ARHGEF16: variants seen among roughly 807,000 people sequenced by gnomAD.
The protein encoded by ARHGEF16 is Rho guanine exchange factor (GEF) 16.
In ARHGEF16, 59 loss-of-function variants were observed where a neutral mutation model predicts 74.1. The ratio of observed to expected loss-of-function variants is 0.80; its 90% CI spans 0.65 to 0.99. The LOEUF is 0.99. Ranked by LOEUF, ARHGEF16 falls within the 50% of genes least tolerant of loss-of-function variation. The probability of loss-of-function intolerance (pLI) is 0.00; values close to 1 mark genes in which losing one functional copy is unlikely to be tolerated. For synonymous variants in ARHGEF16, 415 were observed against 412.6 expected (o/e 1.01, Z -0.07); for missense variants, 948 against 986.6 (o/e 0.96, Z 0.52).
intron 2 of ARHGEF16, 150 bp from the exon 3 acceptor site, chr1:3,465,998 T>C: frequency 1.3e-6 from 1 of 793,168 alleles, no homozygotes; most frequent in South Asian, 1.6e-5. Flanking sequence ...GGCCTCTGCT[T>C]GGCGGCCGTG....
At chr1:3,473,023 C>A in intron 6 of ARHGEF16, 55 bp from the exon 7 acceptor site, 1 of 1,579,302 alleles carries the variant, frequency 6.3e-7, no homozygotes, top group South Asian at 1.2e-5. Context: ...TGTGTGCACA[C>A]GTGGGGCCCG....
chr1:3,471,740 G>T (rs752836137), intron 6 of ARHGEF16: 28 of 1,206,328 alleles, frequency 2.3e-5, no homozygotes, highest in Non-Finnish European at 2.9e-5. Flanking sequence ...CTGGGCCCCC[G>T]ACAGCTCCTG....
intron 10 of ARHGEF16, among the ~76,000 whole-genome samples, chr1:3,476,972 C>A (rs957028325): frequency 6.6e-6 from 1 of 152,066 alleles, no homozygotes; most frequent in African/African-American, 2.4e-5. Flanking sequence ...ACGCCTGCCC[C>A]TGCCAGAGCA....
At chr1:3,469,367 C>T in intron 5 of ARHGEF16, 66 bp from the exon 6 acceptor site, 2 of 1,576,138 alleles carry the variant, frequency 1.3e-6, no homozygotes, top group Non-Finnish European at 1.7e-6. Flanking sequence ...CTGTTCCAAG[C>T]ATTGGTCACC....
chr1:3,461,266 C>T (rs1639386165), intron 1 of ARHGEF16, among the ~76,000 whole-genome samples: 1 of 152,224 alleles, frequency 6.6e-6, no homozygotes, highest in African/African-American at 2.4e-5. Context: ...GCATAGGGAG[C>T]ATGAGCTTGT....
In ARHGEF16 at chr1:3,466,131, GTCTC is replaced by G; in HGVS notation, c.589-13_589-10del. 1.3e-6 allele frequency: 2 copies of G among 1,548,426 alleles called. No individual in the cohort carries two copies. Among genetic ancestry groups the G allele is most frequent in the Non-Finnish European group, 1.7e-6 (2 of 1,146,000 alleles). On this transcript the variant is annotated splice_polypyrimidine_tract_variant and intron_variant, in intron 2 of 14. Coordinates refer to ENST00000378378, the MANE Select transcript of ARHGEF16 (RefSeq NM_014448.4). ...CCCGGCTGACAGCTGCGGTTTCTGT[GTCTC>G]TCTTTTGTGCAGAAGACGCTGGGGA...
At chr1:3,466,091 G>C in intron 2 of ARHGEF16, 57 bp from the exon 3 acceptor site, 1 of 1,536,136 alleles carries the variant, frequency 6.5e-7, no homozygotes, top group Non-Finnish European at 8.8e-7. Context: ...CAGAATCGCC[G>C]TGGGCAACAC....
rs548183041 is a variant in ARHGEF16 at position 3,466,192 on chromosome 1, C to T, written c.633C>T (p.Asp211=). Residue 211 remains aspartate, a splice_region_variant and synonymous_variant, in exon 3 of 15, where the codon GAC becomes GAT. Transcript: ENST00000378378. ...RKRGHKGSFK[D]DPQLYQEIQE... ...GTGGGCACAAGGGTTCCTTCAAGGA[C>T]GGTGAGTGTGGCTTCGGGAGGCACC... The T allele has an allele frequency of 6.7e-5, 103 of 1,542,488 alleles. No individual in the cohort carries two copies. The highest frequency in any genetic ancestry group is 4.7e-4 in the Admixed American group (23 of 49,334).
At position 3,463,163 on chromosome 1, in the gene ARHGEF16, G is replaced by C; in HGVS notation, c.79G>C (p.Ala27Pro). The C allele has an allele frequency of 6.6e-7, 1 of 1,515,842 alleles. No homozygotes were observed. Among genetic ancestry groups the C allele is most frequent in the Non-Finnish European group, 8.9e-7 (1 of 1,126,626 alleles). 93.9% of individuals were successfully genotyped at this position (1,515,842 alleles called of 1,614,324 possible). Residue 27 changes from alanine to proline, a missense_variant, in exon 2 of 15, where the codon GCC (alanine) becomes CCC (proline). Coordinates refer to ENST00000378378, the MANE Select transcript of ARHGEF16 (RefSeq NM_014448.4). ...HRFHSELRLD[A>P]GGNPASGLPM... Reference sequence around the variant, plus strand: ...CTTCCACTCGGAGCTCCGGCTCGATGCCGGGGGGAACCCAGCCTCCGGGCT... The same window carrying C: ...CTTCCACTCGGAGCTCCGGCTCGATCCCGGGGGGAACCCAGCCTCCGGGCT...
chr1:3,480,511 G>A lies in ARHGEF16; in HGVS notation c.2054G>A (p.Arg685His), dbSNP rs534395921. Residue 685 changes from arginine to histidine, a missense_variant, in exon 15 of 15, where the codon CGC (arginine) becomes CAC (histidine). Arg to His is a conservative substitution (Grantham distance 29). Transcript: ENST00000378378. Reference sequence around the variant, plus strand: ...GGATGGTTCCCCGAGGACTTTGCCCGCTTCATCACCAGCCGTGTGGCCGTG... The same window carrying A: ...GGATGGTTCCCCGAGGACTTTGCCCACTTCATCACCAGCCGTGTGGCCGTG... ...ETGWFPEDFA[R>H]FITSRVAVEG... 17 of 1,612,376 alleles carry A rather than the reference G, an allele frequency of 1.1e-5. No individual in the cohort carries two copies. The highest frequency in any genetic ancestry group is 2.2e-5 in the East Asian group (1 of 44,898).
chr1:3,469,398 G>A (rs370197758), intron 5 of ARHGEF16, 35 bp from the exon 6 acceptor site: 83 of 1,608,930 alleles, frequency 5.2e-5, no homozygotes, highest in African/African-American at 4.7e-4. Context: ...CGTGTCCAGC[G>A]TCACTGTGGG....
At chr1:3,463,797 G>A in intron 2 of ARHGEF16, 125 bp downstream of exon 2, 2 of 782,490 alleles carry the variant, frequency 2.6e-6, no homozygotes, top group East Asian at 5.9e-5. Context: ...GCTGCATGAG[G>A]GCTCTCGACT....
At chr1:3,461,385 G>A (rs1190757023) in intron 1 of ARHGEF16, among the ~76,000 whole-genome samples, 1 of 152,228 alleles carries the variant, frequency 6.6e-6, no homozygotes, top group Admixed American at 6.5e-5. Context: ...CCTTCAGGAG[G>A]TGGGCCTTGC....
Position 3,473,514 on chromosome 1 carries a change from C to G in ARHGEF16, c.1297C>G (p.Leu433Val). 6.2e-7 allele frequency: 1 copy of G among 1,608,828 alleles called. No homozygotes were observed. The highest frequency in any genetic ancestry group is 8.5e-7 in the Non-Finnish European group (1 of 1,180,006). The change falls in exon 8 of 15, where the codon CTG (leucine) becomes GTG (valine). Residue 433 changes from leucine to valine, a missense_variant. Coordinates refer to ENST00000378378, the MANE Select transcript of ARHGEF16 (RefSeq NM_014448.4). ...GCAGCGGGTGACCCGGCTGCCCCTCCTGATGGATGTAAGTCCACGGCCTGA... is the reference window on the plus strand; with the variant it reads ...GCAGCGGGTGACCCGGCTGCCCCTCGTGATGGATGTAAGTCCACGGCCTGA... ...PMQRVTRLPL[L>V]MDTLCLKTQG... is the part of the protein sequence containing the mutation.
At chr1:3,467,572 G>A (rs1451157063) in intron 4 of ARHGEF16, among the ~76,000 whole-genome samples, 8 of 152,204 alleles carry the variant, frequency 5.3e-5, no homozygotes, top group East Asian at 1.9e-4. Flanking sequence ...TGCGTGCGAG[G>A]GCCAGCCCTG....
At chr1:3,473,993 G>C (rs894644812) in intron 8 of ARHGEF16, 3 of 244,340 alleles carry the variant, frequency 1.2e-5, no homozygotes, top group Non-Finnish European at 2.4e-5. Context: ...ATATGAGGGT[G>C]AAAGGTGTAC....
At chr1:3,472,512 C>T (rs1241654705) in intron 6 of ARHGEF16, among the ~76,000 whole-genome samples, 1 of 152,234 alleles carries the variant, frequency 6.6e-6, no homozygotes, top group Non-Finnish European at 1.5e-5. Flanking sequence ...TTCATGAACC[C>T]AGCTGGGAGC....
chr1:3,477,847 TCTC>T (rs780210679), intron 10 of ARHGEF16, 25 bp from the exon 11 acceptor site: 1 of 1,609,516 alleles, frequency 6.2e-7, no homozygotes. Context: ...CTCGCACTGA[TCTC>T]CGCCTCCCGG....
At chr1:3,468,731 A>C in intron 4 of ARHGEF16, 149 bp from the exon 5 acceptor site, 1 of 803,792 alleles carries the variant, frequency 1.2e-6, no homozygotes, top group Non-Finnish European at 2.1e-6. Context: ...CCTCGGCAGG[A>C]CAGGCCTACT....
Sources: allele counts gnomAD v4.1 joint callset (sites outside exome capture counted in the v4.1 genomes callset), GRCh38; gene constraint gnomAD v4.1.1; transcripts MANE v1.5; gene names NCBI Gene and HGNC (gene_info 2026-07-23, HGNC 2026-07-21).